Variants in CASKIN2 observed in about 807,000 individuals in gnomAD.
CASKIN2 encodes the protein caskin-2.
A neutral mutation model predicts 107.1 loss-of-function variants in CASKIN2; 41 were observed. The observed-to-expected ratio is 0.38, with a 90% confidence interval of 0.30 to 0.50. The LOEUF is 0.50. Ranked by LOEUF, CASKIN2 falls within the 20% of genes least tolerant of loss-of-function variation. The pLI, the probability that CASKIN2 is intolerant of heterozygous loss-of-function variation, is 0.92. For synonymous variants in CASKIN2, 724 were observed against 705.6 expected (o/e 1.03, Z -0.41); for missense variants, 1,546 against 1,657.4 (o/e 0.93, Z 1.17).
Position 75,505,749 on chromosome 17 carries a change from T to C in CASKIN2, c.835+72A>G. On this transcript the variant is annotated intron_variant, in intron 9 of 19. Coordinates refer to ENST00000321617, the MANE Select transcript of CASKIN2 (RefSeq NM_020753.5). The surrounding 1 kb of genome is among the most constrained non-coding windows in gnomAD (Gnocchi z 5.1). ...ACAACCCTCCCCCAGGGACGTCCAC[T>C]CCCCCTCCACATCCTGGTACCACTT... is the stretch of plus-strand genomic sequence containing the variant. 1 of 1,520,910 alleles carries C rather than the reference T, an allele frequency of 6.6e-7. No homozygotes were observed. Among genetic ancestry groups the C allele is most frequent in the Non-Finnish European group, 9.1e-7 (1 of 1,104,962 alleles). The allele number at this position is 1,520,910 out of a possible 1,614,324, so 94.2% of individuals were successfully genotyped here.
Position 75,504,407 on chromosome 17 carries a change from T to C in CASKIN2, c.1375+13A>G. 1 of 1,606,040 alleles carries C rather than the reference T, an allele frequency of 6.2e-7. No individual in the cohort carries two copies. The highest frequency in any genetic ancestry group is 2.2e-5 in the East Asian group (1 of 44,650). ...CCTCTCCTAGCCAACCCAGGTCCCC[T>C]GACCCTTCCTACCTGCCAGGGACGG... On this transcript the variant is annotated intron_variant, in intron 13 of 19. Coordinates refer to ENST00000321617, the MANE Select transcript of CASKIN2 (RefSeq NM_020753.5).
rs1390992570 is a variant in CASKIN2 at position 75,515,457 on chromosome 17, A to T, written c.-461T>A. ...CCCTGCTCGGTCCCTGGCACTCAGG[A>T]CGGTGGCTCCCACTCCCCCCTGCCC... On this transcript the variant is annotated 5_prime_UTR_variant, in exon 1 of 20. Coordinates refer to ENST00000321617, the MANE Select transcript of CASKIN2 (RefSeq NM_020753.5). The T allele has an allele frequency of 6.6e-6, 1 of 152,402 alleles. No individual in the cohort carries two copies. The highest frequency in any genetic ancestry group is 1.5e-5 in the Non-Finnish European group (1 of 68,314). 9.4% of individuals were successfully genotyped at this position (152,402 alleles called of 1,614,324 possible).
At chr17:75,510,311 TA>T (rs2053306114) in intron 2 of CASKIN2, among the ~76,000 whole-genome samples, 1 of 152,168 alleles carries the variant, frequency 6.6e-6, no homozygotes, top group Non-Finnish European at 1.5e-5. Context: ...ATTGGCCTGA[TA>T]TCAAATGCAG....
In CASKIN2 at chr17:75,503,197, A is replaced by G. The variant is rs961223866; in HGVS notation, c.1877T>C (p.Leu626Pro). ...VKRLAELRRG[L>P]LQGEALSEGG... The stretch of plus-strand genomic sequence containing the variant: ...TTCGCTGAGGGCCTCCCCCTGCAGC[A>G]GGCCCCGCCGAAGCTCCGCCAGCCG... The change falls in exon 18 of 20, where the codon CTG becomes CCG. Residue 626 changes from leucine (L) to proline (P), a missense_variant. By Grantham distance (98) the Leu-to-Pro change is moderately conservative. Around this residue, in one of 6 missense-constraint regions of CASKIN2, gnomAD observed 1,311 missense variants for 1,311.0 expected, o/e 1.00. Coordinates refer to ENST00000321617, the MANE Select transcript of CASKIN2 (RefSeq NM_020753.5). 1 of 1,596,366 alleles carries G rather than the reference A, an allele frequency of 6.3e-7. No individual in the cohort carries two copies. Among genetic ancestry groups the G allele is most frequent in the Non-Finnish European group, 8.5e-7 (1 of 1,174,084 alleles).
In CASKIN2 at chr17:75,506,199, T is replaced by C. The variant is rs894435427; in HGVS notation, c.726+106A>G. 9.8e-7 allele frequency: 1 copy of C among 1,018,286 alleles called. No homozygotes were observed. Among genetic ancestry groups the C allele is most frequent in the Admixed American group, 2.2e-5 (1 of 45,142 alleles). 63.1% of individuals were successfully genotyped at this position (1,018,286 alleles called of 1,614,324 possible). A position where few individuals can be genotyped will look rare whatever the true frequency, so the allele number is the denominator to read the frequency against. On this transcript the variant is annotated intron_variant, in intron 8 of 19. Transcript: ENST00000321617. The surrounding 1 kb of genome is among the most constrained non-coding windows in gnomAD (Gnocchi z 4.8). ...AGTCAGGCCTCTTTCCTGACGCCCA[T>C]GCAAAAACCACGCTGGAGTCCTCCG...
In CASKIN2 at chr17:75,502,270, C is replaced by A; in HGVS notation, c.2804G>T (p.Gly935Val). The change falls in exon 18 of 20, where the codon GGC (glycine) becomes GTC (valine). Residue 935 changes from glycine (G) to valine (V), a missense_variant. Coordinates refer to ENST00000321617, the MANE Select transcript of CASKIN2 (RefSeq NM_020753.5). This position sits in a 1 kb window ranked among gnomAD's most constrained non-coding sequence, Gnocchi z 4.3. ...CCGAGATGGGGGCGTCCCCTCAGGG[C>A]CTGGCTCCTCCTCCTCCGTGTCTGA... is the stretch of plus-strand genomic sequence containing the variant. ...PASDTEEEEP[G>V]PEGTPPSRGS... is the part of the protein sequence containing the mutation. The A allele has an allele frequency of 6.5e-7, 1 of 1,527,650 alleles. No individual in the cohort carries two copies. The highest frequency in any genetic ancestry group is 8.8e-7 in the Non-Finnish European group (1 of 1,141,672). 94.6% of individuals were successfully genotyped at this position (1,527,650 alleles called of 1,614,324 possible).
At position 75,502,397 on chromosome 17, in the gene CASKIN2, G is replaced by A. The variant is rs768914834; in HGVS notation, c.2677C>T (p.Pro893Ser). ...CCTGTGGCCCCTTCCTTGGGCCCTG[G>A]GCTCTCATCTAGTGGAGGTGGCTCC... Reference protein sequence around the residue: ...SPEPPPLDESPGPKEGATGPR... With the variant: ...SPEPPPLDESSGPKEGATGPR... The change falls in exon 18 of 20, where the codon CCA becomes TCA. Residue 893 changes from proline (P) to serine (S), a missense_variant. Coordinates refer to ENST00000321617, the MANE Select transcript of CASKIN2 (RefSeq NM_020753.5). The surrounding 1 kb of genome is among the most constrained non-coding windows in gnomAD (Gnocchi z 4.3). The A allele has an allele frequency of 1.3e-6, 2 of 1,481,700 alleles. No homozygotes were observed. Among genetic ancestry groups the A allele is most frequent in the African/African-American group, 2.8e-5 (2 of 70,618 alleles). The allele number at this position is 1,481,700 out of a possible 1,614,324, so 91.8% of individuals were successfully genotyped here.
At position 75,502,211 on chromosome 17, in the gene CASKIN2, C is replaced by G; in HGVS notation, c.2863G>C (p.Glu955Gln). The change falls in exon 18 of 20, where the codon GAA becomes CAA. Residue 955 changes from glutamate (E) to glutamine (Q), a missense_variant. Around this residue, in one of 6 missense-constraint regions of CASKIN2, gnomAD observed 1,311 missense variants for 1,311.0 expected, o/e 1.00. Coordinates refer to ENST00000321617, the MANE Select transcript of CASKIN2 (RefSeq NM_020753.5). This position sits in a 1 kb window ranked among gnomAD's most constrained non-coding sequence, Gnocchi z 4.3. The stretch of plus-strand genomic sequence containing the variant: ...CGCTGTTTGATGGTCAGGTTCCCTT[C>G]CTCTGCAAACGGCAGCCCTTCCCCA... ...SSGEGLPFAE[E>Q]GNLTIKQRPK... is the part of the protein sequence containing the mutation. 1 of 1,594,106 alleles carries G rather than the reference C, an allele frequency of 6.3e-7. No individual in the cohort carries two copies. Among genetic ancestry groups the G allele is most frequent in the South Asian group, 1.1e-5 (1 of 89,984 alleles).
chr17:75,505,035 G>A lies in CASKIN2; in HGVS notation c.969C>T (p.His323=), dbSNP rs748086203. 6.2e-6 allele frequency: 10 copies of A among 1,610,792 alleles called. No individual in the cohort carries two copies. The highest frequency in any genetic ancestry group is 7.6e-6 in the Non-Finnish European group (9 of 1,179,088). Residue 323 remains histidine, a synonymous_variant, in exon 11 of 20, where the codon CAC becomes CAT. Coordinates refer to ENST00000321617, the MANE Select transcript of CASKIN2 (RefSeq NM_020753.5). The surrounding 1 kb of genome is among the most constrained non-coding windows in gnomAD (Gnocchi z 5.1). The part of the protein sequence containing the change: ...EQHPDGRWKG[H]IHESQRGTDR... ...CTGTGCCCCTCTGGCTCTCGTGGAT[G>A]TGGCCCTTCCAGCGGCCGTCGGGAT...
At chr17:75,504,032 A>G in intron 14 of CASKIN2, 70 bp from the exon 15 acceptor site, 3 of 1,406,284 alleles carry the variant, frequency 2.1e-6, no homozygotes, top group African/African-American at 1.4e-5. Flanking sequence ...CCAGGGGCTC[A>G]GGACCTGCCT....
chr17:75,506,065 G>A lies in CASKIN2; in HGVS notation c.727-136C>T, dbSNP rs1039046839. 3.4e-5 allele frequency: 27 copies of A among 800,734 alleles called. 1 individual carries two copies. The South Asian group carries it at 3.4e-4, about 10-fold the overall frequency. 49.6% of individuals were successfully genotyped at this position (800,734 alleles called of 1,614,324 possible). A position where few individuals can be genotyped will look rare whatever the true frequency, so the allele number is the denominator to read the frequency against. ...GAGGACATAGAGGCTCAGGGACTCA[G>A]TCAAGGACAAGCTCAAGTTCACTCA... On this transcript the variant is annotated intron_variant, in intron 8 of 19. Coordinates refer to ENST00000321617, the MANE Select transcript of CASKIN2 (RefSeq NM_020753.5). This position sits in a 1 kb window ranked among gnomAD's most constrained non-coding sequence, Gnocchi z 4.8.
At position 75,502,406 on chromosome 17, in the gene CASKIN2, C is replaced by A. The variant is rs1401754995; in HGVS notation, c.2668G>T (p.Asp890Tyr). Residue 890 changes from aspartate to tyrosine, a missense_variant, in exon 18 of 20, where the codon GAT (aspartate) becomes TAT (tyrosine). Coordinates refer to ENST00000321617, the MANE Select transcript of CASKIN2 (RefSeq NM_020753.5). This position sits in a 1 kb window ranked among gnomAD's most constrained non-coding sequence, Gnocchi z 4.3. ...SGPSPEPPPLDESPGPKEGAT... is the reference protein window; with the variant it reads ...SGPSPEPPPLYESPGPKEGAT... ...CCTTCCTTGGGCCCTGGGCTCTCAT[C>A]TAGTGGAGGTGGCTCCGGGCTGGGG... 1 of 1,461,508 alleles carries A rather than the reference C, an allele frequency of 6.8e-7. No individual in the cohort carries two copies. Among genetic ancestry groups the A allele is most frequent in the Non-Finnish European group, 9.0e-7 (1 of 1,109,178 alleles). The allele number at this position is 1,461,508 out of a possible 1,614,324, so 90.5% of individuals were successfully genotyped here. A position where few individuals can be genotyped will look rare whatever the true frequency, so the allele number is the denominator to read the frequency against.
rs1410416053 is a variant in CASKIN2, at chr17:75,500,871, G to A, written c.*209C>T. 8 of 571,680 alleles carry A rather than the reference G, an allele frequency of 1.4e-5. No individual in the cohort carries two copies. Among genetic ancestry groups the A allele is most frequent in the South Asian group, 7.9e-5 (4 of 50,416 alleles). 35.4% of individuals were successfully genotyped at this position (571,680 alleles called of 1,614,324 possible). A position where few individuals can be genotyped will look rare whatever the true frequency, so the allele number is the denominator to read the frequency against. On this transcript the variant is annotated 3_prime_UTR_variant, in exon 20 of 20. Transcript: ENST00000321617. The stretch of plus-strand genomic sequence containing the variant: ...GGGAGGGGCTTTGCTGAGATGCAGC[G>A]GAGGTCCCTCGCTAGTCAGGTTCTA...
Position 75,513,701 on chromosome 17 carries a change from C to G in CASKIN2, c.94+10G>C, listed in dbSNP as rs755594448. On this transcript the variant is annotated intron_variant, in intron 2 of 19. Transcript: ENST00000321617. ...GCCTCAGCGGGATGCTCGTCCCACC[C>G]GGTACTCACTTGTCTTTGTGGCCTT... The G allele has an allele frequency of 6.2e-7, 1 of 1,612,966 alleles. No individual in the cohort carries two copies. Among genetic ancestry groups the G allele is most frequent in the Non-Finnish European group, 8.5e-7 (1 of 1,179,432 alleles).
intron 2 of CASKIN2, among the ~76,000 whole-genome samples, 182 bp downstream of exon 2, chr17:75,513,529 G>T (rs994674638): frequency 6.6e-6 from 1 of 152,136 alleles, no homozygotes; most frequent in African/African-American, 2.4e-5. Context: ...CTTGCCTAAG[G>T]ACACACAGCA....
intron 2 of CASKIN2, 39 bp from the exon 3 acceptor site, chr17:75,508,324 A>T (rs2053287005): frequency 6.2e-7 from 1 of 1,603,914 alleles, no homozygotes; most frequent in Admixed American, 1.7e-5. Flanking sequence ...CCATCAGATG[A>T]CTGCCCTCAC....
intron 2 of CASKIN2, chr17:75,509,990 C>G (rs966710984): frequency 1.1e-6 from 1 of 922,062 alleles, no homozygotes. Context: ...TCAGAGTGAC[C>G]GGGCTGGGGA....
Position 75,507,094 on chromosome 17 carries a change from G to C in CASKIN2, c.280C>G (p.Arg94Gly), listed in dbSNP as rs202024244. The change falls in exon 5 of 20, where the codon CGG becomes GGG. Residue 94 changes from arginine (R) to glycine (G), a missense_variant. This residue lies in a region of CASKIN2 where 136 missense variants were observed against 198.6 expected (regional missense o/e 0.68). Coordinates refer to ENST00000321617, the MANE Select transcript of CASKIN2 (RefSeq NM_020753.5). ...RPLHYAAWQG[R>G]LEPVRLLLRA... is the part of the protein sequence containing the mutation. ...AGCAGCAGCCTCACAGGCTCCAGCC[G>C]GCCCTGCCAGGCTGCGTAGTGCAGC... The C allele has an allele frequency of 1.5e-5, 24 of 1,610,934 alleles. No individual in the cohort carries two copies. In the African/African-American group the frequency reaches 2.3e-4, roughly 15 times the overall value.
chr17:75,500,992 G>T lies in CASKIN2; in HGVS notation c.*88C>A. 1.5e-6 allele frequency: 2 copies of T among 1,305,192 alleles called. No individual in the cohort carries two copies. The highest frequency in any genetic ancestry group is 2.1e-6 in the Non-Finnish European group (2 of 934,746). The allele number at this position is 1,305,192 out of a possible 1,614,324, so 80.9% of individuals were successfully genotyped here. On this transcript the variant is annotated 3_prime_UTR_variant, in exon 20 of 20. Transcript: ENST00000321617. Reference sequence around the variant, plus strand: ...GGGCACTTCAGCCTGACCAGCCCTTGGCCCGTCCCTAGGGTGGCAGGGGCC... The same window carrying T: ...GGGCACTTCAGCCTGACCAGCCCTTTGCCCGTCCCTAGGGTGGCAGGGGCC...
Sources: allele counts gnomAD v4.1 joint callset (sites outside exome capture counted in the v4.1 genomes callset), GRCh38; gene constraint gnomAD v4.1.1; regional missense constraint gnomAD v4.1.1; non-coding constraint Gnocchi (gnomAD v3.1); transcripts MANE v1.5; gene names NCBI Gene and HGNC (gene_info 2026-07-23, HGNC 2026-07-21).